The following PSTPIP2 variants were observed in gnomAD, a reference collection of about 807,000 sequenced individuals.
PSTPIP2 encodes the protein proline-serine-threonine phosphatase interacting protein 2.
PSTPIP2 carries 33 observed loss-of-function variants against 63.3 expected under a neutral mutation model. That is an observed-to-expected ratio of 0.52 (90% CI 0.40 to 0.70). The LOEUF is 0.70. Among genes scored for constraint, PSTPIP2 ranks in the 30% least tolerant of loss-of-function variants. The pLI, the probability that PSTPIP2 is intolerant of heterozygous loss-of-function variation, is 0.00. For missense variants in PSTPIP2, 312 were observed against 400.7 expected (o/e 0.78, Z 1.89); for synonymous variants, 125 against 132.7 (o/e 0.94, Z 0.40).
chr18:45,998,525 G>C (rs985549861), intron 8 of PSTPIP2, among the ~76,000 whole-genome samples: 5 of 152,110 alleles, frequency 3.3e-5, no homozygotes, highest in Admixed American at 1.3e-4. Context: ...GCAGACAGAA[G>C]CCAGAAACAG....
intron 6 of PSTPIP2, among the ~76,000 whole-genome samples, chr18:46,001,260 T>A (rs1385006243): frequency 6.6e-6 from 1 of 152,374 alleles, no homozygotes; most frequent in African/African-American, 2.4e-5. Flanking sequence ...GCATTTGTTA[T>A]TTTTTGTCTT....
At position 45,992,222 on chromosome 18, in the gene PSTPIP2, T is replaced by C. The variant is rs202000424; in HGVS notation, c.742-20A>G. On this transcript the variant is annotated intron_variant, in intron 10 of 14. Transcript: ENST00000409746. ...GTACATCTAATAAAAAAAGGTCAAT[T>C]AATAGGTAGAGGTATGTTGAGATCA... The C allele has an allele frequency of 1.3e-6, 2 of 1,533,988 alleles. No homozygotes were observed. Among genetic ancestry groups the C allele is most frequent in the African/African-American group, 2.8e-5 (2 of 72,012 alleles).
At chr18:46,059,786 T>C (rs1425775796) in intron 1 of PSTPIP2, among the ~76,000 whole-genome samples, 1 of 151,934 alleles carries the variant, frequency 6.6e-6, no homozygotes, top group Non-Finnish European at 1.5e-5. Context: ...ACCAGCACTT[T>C]GGGAGGCCAA....
chr18:46,067,264 A>G (rs1480456510), intron 1 of PSTPIP2, among the ~76,000 whole-genome samples: 3 of 152,020 alleles, frequency 2.0e-5, no homozygotes, highest in African/African-American at 7.2e-5. Context: ...GCACTTTGGG[A>G]GGCCGAGGCG....
intron 1 of PSTPIP2, among the ~76,000 whole-genome samples, chr18:46,070,005 T>A (rs1299247336): frequency 6.6e-6 from 1 of 152,208 alleles, no homozygotes; most frequent in East Asian, 1.9e-4. Flanking sequence ...TACTAAACTC[T>A]CAAGTTTAAT....
chr18:46,052,137 C>A (rs1411732786), intron 1 of PSTPIP2, among the ~76,000 whole-genome samples: 3 of 152,184 alleles, frequency 2.0e-5, no homozygotes, highest in Admixed American at 2.0e-4. Context: ...AGAAAGCAAG[C>A]CAGGTCAAAC....
chr18:46,021,960 T>C (rs996997439), intron 3 of PSTPIP2, among the ~76,000 whole-genome samples: 1 of 151,658 alleles, frequency 6.6e-6, no homozygotes, highest in Non-Finnish European at 1.5e-5. Context: ...TGATTCCAGA[T>C]TTAAATTTAA....
At chr18:46,072,111 G>A in intron 1 of PSTPIP2, 45 bp downstream of exon 1, 2 of 1,517,886 alleles carry the variant, frequency 1.3e-6, no homozygotes, top group East Asian at 2.7e-5. Flanking sequence ...TCCCGCCCGG[G>A]CCGGGTCCTG....
intron 1 of PSTPIP2, among the ~76,000 whole-genome samples, chr18:46,063,911 T>C (rs1909079477): frequency 6.6e-6 from 1 of 152,322 alleles, no homozygotes; most frequent in Non-Finnish European, 1.5e-5. Context: ...GCCCACTCTT[T>C]AGGAAATCAT....
rs745678957 is a variant in PSTPIP2 at position 45,988,754 on chromosome 18, G to A, written c.961C>T (p.Pro321Ser). Reference protein sequence around the residue: ...LPIPKSSPDDPNYSLVDDYSL... With the variant: ...LPIPKSSPDDSNYSLVDDYSL... The stretch of plus-strand genomic sequence containing the variant: ...TAGTCATCAACCAAAGAGTAATTGG[G>A]ATCATCTGCAAAAGGCAGAACACAG... The change falls in exon 14 of 15, where the codon CCC (proline) becomes TCC (serine). Residue 321 changes from proline to serine, a missense_variant. Coordinates refer to ENST00000409746, the MANE Select transcript of PSTPIP2 (RefSeq NM_024430.4). The A allele has an allele frequency of 6.4e-7, 1 of 1,561,588 alleles. No homozygotes were observed. Among genetic ancestry groups the A allele is most frequent in the Admixed American group, 1.7e-5 (1 of 59,936 alleles).
chr18:46,012,520 A>G (rs2051809884), intron 4 of PSTPIP2, among the ~76,000 whole-genome samples: 1 of 152,244 alleles, frequency 6.6e-6, no homozygotes, highest in African/African-American at 2.4e-5. Context: ...CACGCCTGTA[A>G]TCCCAGCACT....
rs753368097 is a variant in PSTPIP2, at chr18:45,997,805, C to G, written c.586G>C (p.Gly196Arg). Residue 196 changes from glycine (G) to arginine (R), a missense_variant, in exon 9 of 15, where the codon GGC becomes CGC. Transcript: ENST00000409746. ...TCTTCTCGGACCTTATCCAGGGTGC[C>G]GATGTGCAGCATGTATGCTTTGTCT... Reference protein sequence around the residue: ...DSDKAYMLHIGTLDKVREEWQ... With the variant: ...DSDKAYMLHIRTLDKVREEWQ... 3 of 1,551,880 alleles carry G rather than the reference C, an allele frequency of 1.9e-6. No homozygotes were observed. Among genetic ancestry groups the G allele is most frequent in the Non-Finnish European group, 1.7e-6 (2 of 1,144,308 alleles).
chr18:45,985,076 T>A lies in PSTPIP2; in HGVS notation c.*383A>T, dbSNP rs1482479032. 4.1e-6 allele frequency: 1 copy of A among 245,390 alleles called. No homozygotes were observed. Among genetic ancestry groups the A allele is most frequent in the Non-Finnish European group, 7.7e-6 (1 of 129,926 alleles). 15.2% of individuals were successfully genotyped at this position (245,390 alleles called of 1,614,324 possible). A position where few individuals can be genotyped will look rare whatever the true frequency, so the allele number is the denominator to read the frequency against. ...CGCCGTGGAAACTCCACAGCCAGGC[T>A]GCCCAAAGCCAAAGGAGCCACTACT... On this transcript the variant is annotated 3_prime_UTR_variant, in exon 15 of 15. Transcript: ENST00000409746.
At chr18:45,990,100 AT>A (rs1426488945) in intron 13 of PSTPIP2, among the ~76,000 whole-genome samples, 1 of 152,226 alleles carries the variant, frequency 6.6e-6, no homozygotes, top group Non-Finnish European at 1.5e-5. Context: ...TATAAATTGT[AT>A]TTCTATGTAA....
intron 2 of PSTPIP2, among the ~76,000 whole-genome samples, chr18:46,025,413 C>A (rs1907541742): frequency 6.6e-6 from 1 of 152,198 alleles, no homozygotes; most frequent in South Asian, 2.1e-4. Flanking sequence ...AGCTCCACTG[C>A]TCTCCCCAGG....
intron 1 of PSTPIP2, among the ~76,000 whole-genome samples, chr18:46,044,921 C>T (rs1423657148): frequency 6.6e-6 from 1 of 152,204 alleles, no homozygotes; most frequent in Non-Finnish European, 1.5e-5. Context: ...CTCACCATCA[C>T]TGGCCATCAG....
intron 1 of PSTPIP2, among the ~76,000 whole-genome samples, chr18:46,069,526 T>C (rs1909315113): frequency 6.6e-6 from 1 of 152,228 alleles, no homozygotes; most frequent in Non-Finnish European, 1.5e-5. Flanking sequence ...GGTCTCACTA[T>C]GTTGCCCAGC....
intron 1 of PSTPIP2, among the ~76,000 whole-genome samples, chr18:46,043,685 C>T (rs1251096735): frequency 1.3e-5 from 2 of 152,056 alleles, no homozygotes; most frequent in Non-Finnish European, 1.5e-5. Context: ...AAAGAACATA[C>T]ATATTGGAAA....
At chr18:45,990,790 A>G in intron 12 of PSTPIP2, 34 bp from the exon 13 acceptor site, 1 of 1,526,618 alleles carries the variant, frequency 6.6e-7, no homozygotes, top group Non-Finnish European at 9.0e-7. Context: ...ATTTTAGATA[A>G]GTTCTTGTTA....
Sources: gnomAD v4.1 joint callset for allele counts (sites outside exome capture counted in the v4.1 genomes callset) on GRCh38, gnomAD v4.1.1 for gene constraint, MANE v1.5 for transcripts, NCBI Gene and HGNC (gene_info 2026-07-23, HGNC 2026-07-21) for gene names.